The following NAALADL2 variants were observed in gnomAD, a reference collection of about 807,000 sequenced individuals.
The protein encoded by NAALADL2 is inactive N-acetylated-alpha-linked acidic dipeptidase-like protein 2.
Under a neutral mutation model 87.2 loss-of-function variants are expected in NAALADL2, and 76 were observed. That is an observed-to-expected ratio of 0.87 (90% CI 0.72 to 1.05). NAALADL2 has a LOEUF of 1.05. NAALADL2 is among the 50% of genes least tolerant of loss of function. The pLI, the probability that NAALADL2 is intolerant of heterozygous loss-of-function variation, is 0.00. For synonymous variants in NAALADL2, 354 were observed against 331.0 expected, an observed-to-expected ratio of 1.07 and a Z score of -0.75; for missense variants, 1,089 against 945.8, an observed-to-expected ratio of 1.15 and a Z score of -1.99.
At position 175,476,401 on chromosome 3, in the gene NAALADL2, TAA is replaced by T. The variant is rs1400982279; in HGVS notation, c.1653+4644_1653+4645del. On this transcript the variant is annotated intron_variant, in intron 9 of 13. Transcript: ENST00000454872. ...CAGATGTGCATAAATAGCTAAGATA[TAA>T]GAGTGAGTGTGATATGTGCTATCCT... Among the ~76,000 whole-genome samples the T allele has an allele frequency of 2.6e-5, 4 of 152,090 alleles. No individual in the cohort carries two copies. In the East Asian group the frequency reaches 7.7e-4, roughly 29 times the overall value.
At chr3:175,324,637 C>T (rs1228416510) in intron 5 of NAALADL2, among the ~76,000 whole-genome samples, 4 of 152,110 alleles carry the variant, frequency 2.6e-5, no homozygotes, top group Non-Finnish European at 5.9e-5. Context: ...ACAGGTACTC[C>T]AGGTAAGCCA....
At chr3:175,593,409 G>A (rs113882435) in intron 10 of NAALADL2, among the ~76,000 whole-genome samples, 2,205 of 152,116 alleles carry the variant, frequency 0.014, 56 homozygotes, top group African/African-American at 0.05. Context: ...GCACATTTTT[G>A]CCTAGAGTGT....
intron 2 of NAALADL2, among the ~76,000 whole-genome samples, chr3:174,632,504 G>T (rs541201273): frequency 6.6e-6 from 1 of 152,188 alleles, no homozygotes; most frequent in East Asian, 1.9e-4. Flanking sequence ...TGCTGGAATG[G>T]GGCTTGTAAT....
chr3:175,136,912 G>A (rs1729197654), intron 2 of NAALADL2, among the ~76,000 whole-genome samples: 1 of 152,094 alleles, frequency 6.6e-6, no homozygotes, highest in Non-Finnish European at 1.5e-5. Context: ...CTCTTGGCAA[G>A]CTAATATTCT....
At chr3:175,074,163 T>C (rs1430505917) in intron 1 of NAALADL2, among the ~76,000 whole-genome samples, 1 of 152,108 alleles carries the variant, frequency 6.6e-6, no homozygotes, top group Non-Finnish European at 1.5e-5. Context: ...CCAAAAATTA[T>C]GTTTCTAGAA....
At position 175,094,118 on chromosome 3, in the gene NAALADL2, T is replaced by A. The variant is rs531261683; in HGVS notation, c.44-2672T>A. Among the ~76,000 whole-genome samples, 817 of 126,850 alleles carry A rather than the reference T, an allele frequency of 6.4e-3. 8 individuals are homozygous for A. Among genetic ancestry groups the A allele is most frequent in the African/African-American group, 0.02 (772 of 38,040 alleles). 83.2% of individuals were successfully genotyped at this position (126,850 alleles called of 152,430 possible). ...GCATAAACCAAGCTCTACGATTCAA[T>A]GTTTTTTAAAAAAAAACCTTTAGAG... On this transcript the variant is annotated intron_variant, in intron 1 of 13. Coordinates refer to ENST00000454872, the MANE Select transcript of NAALADL2 (RefSeq NM_207015.3).
chr3:175,629,240 CAT>C (rs1396243564), intron 11 of NAALADL2, among the ~76,000 whole-genome samples: 3 of 147,722 alleles, frequency 2.0e-5, no homozygotes, highest in Admixed American at 6.8e-5. Context: ...TATTCATAAA[CAT>C]ATATGATATA....
intron 5 of NAALADL2, among the ~76,000 whole-genome samples, chr3:175,385,474 G>C (rs1768266635): frequency 1.3e-5 from 2 of 151,950 alleles, no homozygotes. Context: ...AGGTTCTTTG[G>C]CTAGGCTACC....
intron 1 of NAALADL2, among the ~76,000 whole-genome samples, chr3:174,967,570 G>A (rs1179118579): frequency 6.6e-6 from 1 of 152,110 alleles, no homozygotes; most frequent in Admixed American, 6.6e-5. Context: ...CCTAAAGAGA[G>A]CTTGCAGCTT....
intron 4 of NAALADL2, among the ~76,000 whole-genome samples, chr3:175,284,738 C>T (rs1173406250): frequency 6.6e-6 from 1 of 151,906 alleles, no homozygotes; most frequent in African/African-American, 2.4e-5. Context: ...ATAATAACGG[C>T]ACCTGTTTTT....
At chr3:174,999,663 C>G (rs1285522458) in intron 1 of NAALADL2, among the ~76,000 whole-genome samples, 1 of 152,122 alleles carries the variant, frequency 6.6e-6, no homozygotes, top group East Asian at 1.9e-4. Context: ...GTTGTAAGTC[C>G]TGAATTGTAC....
chr3:175,138,918 A>ATGTATG lies in NAALADL2; in HGVS notation c.545+41628_545+41629insGTATGT, dbSNP rs1156981904. On this transcript the variant is annotated intron_variant, in intron 2 of 13. Transcript: ENST00000454872. Reference sequence around the variant, plus strand: ...TATATATATATATATATATATATATATATATATGATAGTGAAGGTTTTATT... The same window carrying ATGTATG: ...TATATATATATATATATATATATATATGTATGTATATATGATAGTGAAGGTTTTATT... Among the ~76,000 whole-genome samples, 101 of 136,372 alleles carry ATGTATG rather than the reference A, an allele frequency of 7.4e-4. 1 individual carries two copies. The highest frequency in any genetic ancestry group is 3.8e-3 in the Middle Eastern group (1 of 260). 89.5% of individuals were successfully genotyped at this position (136,372 alleles called of 152,430 possible).
chr3:175,259,831 C>T (rs1442592375), intron 4 of NAALADL2, among the ~76,000 whole-genome samples: 3 of 152,074 alleles, frequency 2.0e-5, no homozygotes, highest in Admixed American at 2.0e-4. Flanking sequence ...AGTTCAAGAC[C>T]AGCCTGGCCA....
chr3:174,847,312 C>A (rs10222542), intron 3 of NAALADL2, among the ~76,000 whole-genome samples: 72,144 of 151,948 alleles, frequency 0.47, 17,828 homozygotes, highest in African/African-American at 0.61. Context: ...TTGGCCACAA[C>A]CAACCAACAT....
Position 175,576,770 on chromosome 3 carries a change from CTG to C in NAALADL2, c.1800+585_1800+586del, listed in dbSNP as rs1459502989. ...TTTCTCAGAATTGTGTCTCAGGAAA[CTG>C]TTTCTCTGTGGATCTAAACCTGTTG... is the stretch of plus-strand genomic sequence containing the variant. On this transcript the variant is annotated intron_variant, in intron 10 of 13. Coordinates refer to ENST00000454872, the MANE Select transcript of NAALADL2 (RefSeq NM_207015.3). Among the ~76,000 whole-genome samples, 10 of 152,288 alleles carry C rather than the reference CTG, an allele frequency of 6.6e-5. 1 individual carries two copies. The South Asian group carries it at 1.4e-3, about 22-fold the overall frequency.
chr3:175,669,540 G>A (rs1733652918), intron 11 of NAALADL2, among the ~76,000 whole-genome samples: 2 of 151,966 alleles, frequency 1.3e-5, no homozygotes, highest in Admixed American at 6.6e-5. Flanking sequence ...AAAATATTCA[G>A]TAAATTTGAG....
At chr3:174,697,536 G>A (rs980487005) in intron 2 of NAALADL2, among the ~76,000 whole-genome samples, 1 of 152,028 alleles carries the variant, frequency 6.6e-6, no homozygotes, top group African/African-American at 2.4e-5. Context: ...CAAGATACAA[G>A]GGTATGTTGA....
intron 5 of NAALADL2, among the ~76,000 whole-genome samples, chr3:175,389,145 G>C (rs1324879840): frequency 6.6e-6 from 1 of 151,968 alleles, no homozygotes; most frequent in Non-Finnish European, 1.5e-5. Flanking sequence ...TTTAAGCATG[G>C]TACAGAAATT....
chr3:175,551,316 T>A (rs561460013), intron 9 of NAALADL2, among the ~76,000 whole-genome samples: 1 of 152,014 alleles, frequency 6.6e-6, no homozygotes, highest in Non-Finnish European at 1.5e-5. Flanking sequence ...AGTGTCGGTG[T>A]TGTAGGGAGG....
Sources: allele counts gnomAD v4.1 joint callset (sites outside exome capture counted in the v4.1 genomes callset), GRCh38; gene constraint gnomAD v4.1.1; transcripts MANE v1.5; gene names NCBI Gene and HGNC (gene_info 2026-07-23, HGNC 2026-07-21).